ETV7: variants seen among roughly 807,000 people sequenced by gnomAD.
The protein encoded by ETV7 is ETS variant transcription factor 7.
Under a neutral mutation model 39.1 loss-of-function variants are expected in ETV7, and 43 were observed. That is an observed-to-expected ratio of 1.10 (90% confidence interval 0.86 to 1.42). The LOEUF is 1.42. ETV7 is among the 40% of genes most tolerant of loss of function. The probability of loss-of-function intolerance (pLI) is 0.00; values close to 1 mark genes in which losing one functional copy is unlikely to be tolerated. For synonymous variants in ETV7, 196 were observed against 176.6 expected, an observed-to-expected ratio of 1.11 and a Z score of -0.87; for missense variants, 432 against 442.3, an observed-to-expected ratio of 0.98 and a Z score of 0.21.
At chr6:36,366,185 A>T, downstream of ETV7, 15 of 1,001,256 alleles carry the variant, frequency 1.5e-5, no homozygotes, top group Non-Finnish European at 1.7e-5. Context: ...AAAATAAAAG[A>T]AAGAAACATC....
At chr6:36,365,675 G>T (rs1391420756), downstream of ETV7, among the ~76,000 whole-genome samples, 2 of 152,146 alleles carry the variant, frequency 1.3e-5, no homozygotes, top group African/African-American at 4.8e-5. Flanking sequence ...AGAGAGGTGG[G>T]GCCGGGGCCT....
chr6:36,359,013 G>A lies in ETV7; in HGVS notation c.909-4326C>T, dbSNP rs369994984. Among the ~76,000 whole-genome samples the A allele has an allele frequency of 4.6e-5, 7 of 152,346 alleles. No individual in the cohort carries two copies. In the South Asian group the frequency reaches 1.0e-3, roughly 23 times the overall value. On this transcript the variant is annotated intron_variant, in intron 7 of 7. Coordinates refer to the ETV7 transcript ENST00000339796. ...ATGGCTCCCCCAAAGGAAGAGGATG[G>A]GAGAGGGGCAGCTCTAGGCCAAGAT...
chr6:36,365,149 CGAG>C (rs1181766531), downstream of ETV7, among the ~76,000 whole-genome samples: 3 of 152,160 alleles, frequency 2.0e-5, no homozygotes, highest in East Asian at 3.9e-4. Flanking sequence ...GATATGAATC[CGAG>C]GAGTTCTATT....
At chr6:36,365,385 G>A (rs1256855181), downstream of ETV7, among the ~76,000 whole-genome samples, 4 of 152,186 alleles carry the variant, frequency 2.6e-5, no homozygotes, top group Admixed American at 2.0e-4. Context: ...CACAGAGCAG[G>A]CAAACATTAA....
chr6:36,364,920 GC>G (rs1415071165), downstream of ETV7, among the ~76,000 whole-genome samples: 3 of 152,168 alleles, frequency 2.0e-5, no homozygotes, highest in Non-Finnish European at 4.4e-5. Flanking sequence ...CCACCTGCCT[GC>G]CCCCCTGCCG....
At chr6:36,362,106 G>A (rs1317707666), downstream of ETV7, among the ~76,000 whole-genome samples, 2 of 152,138 alleles carry the variant, frequency 1.3e-5, no homozygotes, top group Non-Finnish European at 2.9e-5. Context: ...AGACCATCCT[G>A]GCTAACATGG....
In ETV7 at chr6:36,387,608, G is replaced by T. The variant is rs1452826045; in HGVS notation, c.-67C>A. 5.0e-6 allele frequency: 8 copies of T among 1,585,890 alleles called. No individual in the cohort carries two copies. Among genetic ancestry groups the T allele is most frequent in the Middle Eastern group, 2.0e-4 (1 of 5,052 alleles). Reference sequence around the variant, plus strand: ...CGCTCCCCTGGCTGTGGCTGCTGGGGCCCTAGGCCCGCGCCCCGCAGTCCT... The same window carrying T: ...CGCTCCCCTGGCTGTGGCTGCTGGGTCCCTAGGCCCGCGCCCCGCAGTCCT... On this transcript the variant is annotated 5_prime_UTR_variant, in exon 1 of 8. Transcript: ENST00000340181.
Position 36,385,648 on chromosome 6 carries a change from G to A in ETV7, c.28C>T (p.Pro10Ser), listed in dbSNP as rs373602125. The change falls in exon 2 of 8, where the codon CCT (proline) becomes TCT (serine). Residue 10 changes from proline to serine, a missense_variant. By Grantham distance (74) the Pro-to-Ser change is moderately conservative. Transcript: ENST00000340181. Reference sequence around the variant, plus strand: ...GGCATGGCTGCCACAGGGCTTATAGGAGAAATAGCCAATTCTCCCTCCTAG... The same window carrying A: ...GGCATGGCTGCCACAGGGCTTATAGAAGAAATAGCCAATTCTCCCTCCTAG... MQEGELAISPISPVAAMPPL... is the reference protein window; with the variant it reads MQEGELAISSISPVAAMPPL... The A allele has an allele frequency of 7.9e-5, 128 of 1,613,150 alleles. 1 individual carries two copies. Among genetic ancestry groups the A allele is most frequent in the Non-Finnish European group, 9.7e-5 (114 of 1,179,640 alleles).
chr6:36,376,524 T>A (rs1773360331), intron 2 of ETV7, among the ~76,000 whole-genome samples: 1 of 152,132 alleles, frequency 6.6e-6, no homozygotes, highest in Non-Finnish European at 1.5e-5. Flanking sequence ...ATGCCTGTAA[T>A]CTCAGCATTT....
At chr6:36,382,754 G>A (rs1350421366) in intron 2 of ETV7, among the ~76,000 whole-genome samples, 2 of 152,120 alleles carry the variant, frequency 1.3e-5, no homozygotes, top group African/African-American at 2.4e-5. Flanking sequence ...GGCACTCTAC[G>A]TCTCTTCCCA....
downstream of ETV7, among the ~76,000 whole-genome samples, chr6:36,363,329 G>C (rs187235527): frequency 7.3e-5 from 11 of 151,562 alleles, no homozygotes; most frequent in South Asian, 2.3e-3. Context: ...AGACCTTCGC[G>C]GTGAGTGTTA....
chr6:36,356,386 C>T (rs1201456540), intron 7 of ETV7, among the ~76,000 whole-genome samples: 1 of 147,618 alleles, frequency 6.8e-6, no homozygotes, highest in East Asian at 2.0e-4. Context: ...ATATATACAA[C>T]TATTATATAT....
At chr6:36,383,196 A>G (rs1343242158) in intron 2 of ETV7, among the ~76,000 whole-genome samples, 1 of 151,954 alleles carries the variant, frequency 6.6e-6, no homozygotes, top group Admixed American at 6.6e-5. Flanking sequence ...CCTTGGGCAG[A>G]CCCTCATGGC....
intron 2 of ETV7, among the ~76,000 whole-genome samples, chr6:36,378,756 C>G (rs941432804): frequency 6.6e-6 from 1 of 152,160 alleles, no homozygotes; most frequent in African/African-American, 2.4e-5. Flanking sequence ...TAGGAATACC[C>G]TGGTCACTAT....
chr6:36,357,615 G>GC lies in ETV7; in HGVS notation c.909-2929dup, dbSNP rs1336841401. ...TCCCCGGCCACGTGCGCTGGCTCAT[G>GC]CCTGTAATCCCAGCACTTTGGGAGG... On this transcript the variant is annotated intron_variant, in intron 7 of 7. Coordinates refer to the ETV7 transcript ENST00000339796. 1.7e-4 allele frequency among the ~76,000 whole-genome samples: 26 copies of GC among 152,258 alleles called. 1 individual carries two copies. Among genetic ancestry groups the GC allele is most frequent in the Admixed American group, 1.4e-3 (21 of 15,290 alleles).
downstream of ETV7, among the ~76,000 whole-genome samples, chr6:36,365,962 G>T (rs144666850): frequency 2.5e-3 from 377 of 152,226 alleles, 2 homozygotes; most frequent in African/African-American, 8.7e-3. Flanking sequence ...ACCTGAGGTC[G>T]CAAGTTCGAT....
chr6:36,375,329 C>T (rs1325108058), intron 3 of ETV7, among the ~76,000 whole-genome samples: 2 of 152,142 alleles, frequency 1.3e-5, no homozygotes, highest in African/African-American at 2.4e-5. Context: ...GCCCTGCTGC[C>T]CGCTACCACT....
At chr6:36,367,709 C>T (rs1003331849) in intron 6 of ETV7, among the ~76,000 whole-genome samples, 3 of 151,848 alleles carry the variant, frequency 2.0e-5, no homozygotes, top group Non-Finnish European at 2.9e-5. Flanking sequence ...CTTTCTCTCT[C>T]GGGGGTAGGC....
Position 36,371,364 on chromosome 6 carries a change from C to A in ETV7, c.630G>T (p.Ala210=), listed in dbSNP as rs115876066. The A allele has an allele frequency of 1.5e-5, 24 of 1,598,206 alleles. No individual in the cohort carries two copies. The East Asian group carries it at 4.8e-4, about 32-fold the overall frequency. Residue 210 remains alanine, a synonymous_variant, in exon 5 of 8, where the codon GCG becomes GCT. Coordinates refer to ENST00000340181, the MANE Select transcript of ETV7 (RefSeq NM_016135.4). ...TGCCGTCAATGGGGGCCTGCGGCAT[C>A]GCGGGGAAGGAACAGACCCCCTGGG... The part of the protein sequence containing the change: ...CRTQGVCSFP[A]MPQAPIDGRI...
Sources: gnomAD v4.1 joint callset for allele counts (sites outside exome capture counted in the v4.1 genomes callset) on GRCh38, gnomAD v4.1.1 for gene constraint, MANE v1.5 for transcripts, NCBI Gene and HGNC (gene_info 2026-07-23, HGNC 2026-07-21) for gene names.